COL4A2: variants seen among roughly 807,000 people sequenced by gnomAD.
COL4A2 encodes collagen type IV alpha 2 chain, also known as collagen alpha-2(IV) chain.
In COL4A2, 99 loss-of-function variants were observed where a neutral mutation model predicts 200.2. The observed-to-expected ratio is 0.49, with a 90% CI of 0.42 to 0.58. The LOEUF is 0.58. COL4A2 is among the 20% of genes least tolerant of loss of function. The pLI is 0.00. For synonymous variants in COL4A2, 897 were observed against 900.6 expected (o/e 1.00, Z 0.07); for missense variants, 1,950 against 2,314.1 (o/e 0.84, Z 3.23).
At chr13:110,506,280 CG>C in intron 45 of COL4A2, 134 bp from the exon 46 acceptor site, 2 of 757,422 alleles carry the variant, frequency 2.6e-6, no homozygotes, top group Non-Finnish European at 4.0e-6. Flanking sequence ...CTCTCTCTCT[CG>C]GGCTGCAGGT....
Position 110,508,771 on chromosome 13 carries a change from G to T in COL4A2, c.4881+550G>T, listed in dbSNP as rs1440228542. Among the ~76,000 whole-genome samples the T allele has an allele frequency of 3.9e-5, 6 of 152,108 alleles. No homozygotes were observed. The highest frequency in any genetic ancestry group is 1.4e-4 in the African/African-American group (6 of 41,414). ...CACAACCAGGACCTGGGAAGGCACC[G>T]CCCACCCTTCCGGATCGCCTTTGGG... is the stretch of plus-strand genomic sequence containing the variant. On this transcript the variant is annotated intron_variant, in intron 47 of 47. Transcript: ENST00000360467. The surrounding 1 kb of genome is among the most constrained non-coding windows in gnomAD (Gnocchi z 6.1).
intron 3 of COL4A2, among the ~76,000 whole-genome samples, chr13:110,316,211 T>C (rs1389665522): frequency 1.3e-5 from 2 of 152,194 alleles, no homozygotes; most frequent in Non-Finnish European, 2.9e-5. Flanking sequence ...GTGGTAAATA[T>C]TATATAACAA....
Position 110,495,443 on chromosome 13 carries a change from C to T in COL4A2, c.3736C>T (p.Gln1246Ter), listed in dbSNP as rs369940160. Residue 1246 changes from glutamine to a stop codon, truncating the protein, a stop_gained, in exon 40 of 48, where the codon CAG becomes TAG. Transcript: ENST00000360467. LOFTEE classifies it high-confidence loss of function. The part of the protein sequence containing the change: ...TLPGPVGVPG[Q>*]KGDQGAPGER... Reference sequence around the variant, plus strand: ...TCCAGGCCCTGTGGGAGTCCCAGGACAGAAAGGAGACCAAGGAGCTCCAGG... The same window carrying T: ...TCCAGGCCCTGTGGGAGTCCCAGGATAGAAAGGAGACCAAGGAGCTCCAGG... The T allele has an allele frequency of 2.0e-5, 32 of 1,613,408 alleles. No homozygotes were observed. Among genetic ancestry groups the T allele is most frequent in the Non-Finnish European group, 2.7e-5 (32 of 1,179,872 alleles).
At chr13:110,449,561 C>A in intron 18 of COL4A2, 118 bp from the exon 19 acceptor site, 1 of 930,820 alleles carries the variant, frequency 1.1e-6, no homozygotes, top group Non-Finnish European at 1.6e-6. Flanking sequence ...AACTCCTCAT[C>A]AGGCCGCATA....
At position 110,512,536 on chromosome 13, in the gene COL4A2, T is replaced by C; in HGVS notation, c.*345T>C. ...GACAACTCACATTGTTCAACTCCCT[T>C]CTCGGGGTGGGACAGACGAGACAAC... is the stretch of plus-strand genomic sequence containing the variant. On this transcript the variant is annotated 3_prime_UTR_variant, in exon 48 of 48. Transcript: ENST00000360467. The C allele has an allele frequency of 3.7e-6, 1 of 266,904 alleles. No individual in the cohort carries two copies. 16.5% of individuals were successfully genotyped at this position (266,904 alleles called of 1,614,324 possible). A position where few individuals can be genotyped will look rare whatever the true frequency, so the allele number is the denominator to read the frequency against.
At chr13:110,340,853 A>T (rs955547213) in intron 3 of COL4A2, 5 of 152,208 alleles carry the variant, frequency 3.3e-5, no homozygotes, top group African/African-American at 9.7e-5. Context: ...GTTTTCAGCC[A>T]TGCGATTCTG....
chr13:110,376,737 A>G (rs1878252491), intron 4 of COL4A2, among the ~76,000 whole-genome samples: 1 of 152,066 alleles, frequency 6.6e-6, no homozygotes, highest in African/African-American at 2.4e-5. Context: ...CCCCAGTGAC[A>G]TGGTAGCTGC....
chr13:110,361,531 G>C (rs999737288), intron 4 of COL4A2, among the ~76,000 whole-genome samples: 1 of 152,172 alleles, frequency 6.6e-6, no homozygotes, highest in African/African-American at 2.4e-5. Context: ...TCATCTGTGC[G>C]TCACCATGGT....
chr13:110,449,671 C>T lies in COL4A2; in HGVS notation c.1079-8C>T, dbSNP rs1170807301. On this transcript the variant is annotated splice_polypyrimidine_tract_variant and splice_region_variant and intron_variant, in intron 18 of 47. Transcript: ENST00000360467. ...TTGTTCTTACTGTGGGACTTGTTTC[C>T]CTTCCAGGTGCCAGAGGTGACCCGG... 3 of 1,539,116 alleles carry T rather than the reference C, an allele frequency of 1.9e-6. No individual in the cohort carries two copies. The highest frequency in any genetic ancestry group is 1.4e-5 in the African/African-American group (1 of 72,126).
chr13:110,309,897 A>G (rs931845392), intron 3 of COL4A2, among the ~76,000 whole-genome samples: 2 of 152,198 alleles, frequency 1.3e-5, no homozygotes, highest in Admixed American at 6.5e-5. Context: ...AGGCTGAGGC[A>G]CAAGAATTGC....
In COL4A2 at chr13:110,436,754, A is replaced by C. The variant is rs78453762; in HGVS notation, c.825+387A>C. On this transcript the variant is annotated intron_variant, in intron 13 of 47. Transcript: ENST00000360467. ...CAAAATAAAACCTACTTCTTTGCTGACATGAAGCACCTTTTTGGAGGTTCA... is the reference window on the plus strand; with the variant it reads ...CAAAATAAAACCTACTTCTTTGCTGCCATGAAGCACCTTTTTGGAGGTTCA... 3.3e-3 allele frequency among the ~76,000 whole-genome samples: 503 copies of C among 152,348 alleles called. 1 individual carries two copies. Among genetic ancestry groups the C allele is most frequent in the African/African-American group, 0.012 (480 of 41,586 alleles).
intron 4 of COL4A2, among the ~76,000 whole-genome samples, chr13:110,422,710 G>A (rs1053568878): frequency 3.9e-5 from 6 of 152,326 alleles, no homozygotes; most frequent in Admixed American, 3.9e-4. Flanking sequence ...TCCATCCACA[G>A]CCTTAATCTG....
intron 20 of COL4A2, among the ~76,000 whole-genome samples, chr13:110,451,278 A>G (rs1881530319): frequency 6.6e-6 from 1 of 152,224 alleles, no homozygotes; most frequent in Non-Finnish European, 1.5e-5. Context: ...AAGCTTGTCC[A>G]ACCCACGGGC....
chr13:110,456,178 G>C (rs879832659), intron 20 of COL4A2, among the ~76,000 whole-genome samples: 1 of 152,368 alleles, frequency 6.6e-6, no homozygotes, highest in Middle Eastern at 3.4e-3. Flanking sequence ...AGCCCTGCAG[G>C]AGCTAGTGGG....
chr13:110,307,660 G>C lies in COL4A2; in HGVS notation c.-45+132G>C. ...GGGAGGGTGGGAGAGCGAAGACCGAGCTCCTCGGCCAAGGAGCACCCACAG... is the reference window on the plus strand; with the variant it reads ...GGGAGGGTGGGAGAGCGAAGACCGACCTCCTCGGCCAAGGAGCACCCACAG... On this transcript the variant is annotated intron_variant, in intron 1 of 47. Coordinates refer to ENST00000360467, the MANE Select transcript of COL4A2 (RefSeq NM_001846.4). This position sits in a 1 kb window ranked among gnomAD's most constrained non-coding sequence, Gnocchi z 5.0. 1.7e-6 allele frequency: 1 copy of C among 572,418 alleles called. No individual in the cohort carries two copies. The highest frequency in any genetic ancestry group is 3.1e-6 in the Non-Finnish European group (1 of 325,790). The allele number at this position is 572,418 out of a possible 1,614,324, so 35.5% of individuals were successfully genotyped here.
intron 3 of COL4A2, among the ~76,000 whole-genome samples, chr13:110,348,004 A>T (rs558494534): frequency 1.3e-5 from 2 of 152,296 alleles, no homozygotes; most frequent in East Asian, 3.9e-4. Flanking sequence ...ACCGTAAAGG[A>T]TTGCTTCCAG....
At chr13:110,355,114 G>GT (rs1039800808) in intron 3 of COL4A2, among the ~76,000 whole-genome samples, 23 of 152,270 alleles carry the variant, frequency 1.5e-4, no homozygotes, top group African/African-American at 5.1e-4. Flanking sequence ...CTGTCATCTG[G>GT]TAAGTTTTAC....
At chr13:110,386,835 C>G (rs1050225732) in intron 4 of COL4A2, among the ~76,000 whole-genome samples, 1 of 152,094 alleles carries the variant, frequency 6.6e-6, no homozygotes, top group Non-Finnish European at 1.5e-5. Context: ...AAAGGACGTG[C>G]GAAACCCAGG....
chr13:110,340,112 A>G (rs1876382705), intron 3 of COL4A2, among the ~76,000 whole-genome samples: 1 of 152,152 alleles, frequency 6.6e-6, no homozygotes, highest in South Asian at 2.1e-4. Flanking sequence ...GCCCCTGCAG[A>G]GTCCAGTCTA....
Sources: gnomAD v4.1 joint callset for allele counts (sites outside exome capture counted in the v4.1 genomes callset) on GRCh38, gnomAD v4.1.1 for gene constraint, Gnocchi (gnomAD v3.1) non-coding constraint, MANE v1.5 for transcripts, NCBI Gene and HGNC (gene_info 2026-07-23, HGNC 2026-07-21) for gene names.